Variants in AP1B1 observed in about 807,000 individuals in gnomAD.
AP1B1 encodes the protein adaptor related protein complex 1 subunit beta 1, also known as AP-1 complex subunit beta-1.
AP1B1 carries 36 observed loss-of-function variants against 104.3 expected under a neutral mutation model. The observed-to-expected ratio is 0.35, with a 90% confidence interval of 0.26 to 0.46. The LOEUF is 0.46. Among genes scored for constraint, AP1B1 ranks in the 20% least tolerant of loss-of-function variants. The pLI is 1.00. For missense variants in AP1B1, 901 were observed against 1,247.9 expected, an observed-to-expected ratio of 0.72 and a Z score of 4.19; for synonymous variants, 504 against 517.5, an observed-to-expected ratio of 0.97 and a Z score of 0.35.
Position 29,340,754 on chromosome 22 carries a change from TGAG to T in AP1B1, c.1897_1899del (p.Leu633del). ...CTCACTGGGGGGCCGAGGTCCAGGTTGAGGAGGTCACCCAGCAGGTCGCCCTGG... is the reference window on the plus strand; with the variant it reads ...CTCACTGGGGGGCCGAGGTCCAGGTTGAGGTCACCCAGCAGGTCGCCCTGG... On this transcript the variant is annotated inframe_deletion, in exon 14 of 23. Coordinates refer to ENST00000357586, the MANE Select transcript of AP1B1 (RefSeq NM_001127.4). The T allele has an allele frequency of 6.3e-7, 1 of 1,598,460 alleles. No individual in the cohort carries two copies. Among genetic ancestry groups the T allele is most frequent in the Non-Finnish European group, 8.5e-7 (1 of 1,173,752 alleles).
In AP1B1 at chr22:29,354,783, T is replaced by A; in HGVS notation, c.805A>T (p.Met269Leu). The change falls in exon 7 of 23, where the codon ATG (methionine) becomes TTG (leucine). Residue 269 changes from methionine to leucine, a missense_variant. Around this residue, in one of 3 missense-constraint regions of AP1B1, gnomAD observed 471 missense variants for 696.7 expected, o/e 0.68. Transcript: ENST00000357586. Reference sequence around the variant, plus strand: ...TAGTAGTCCAAGTCCTTAGACAACATCTCCATGAACTTCATCAGCACCTTC... The same window carrying A: ...TAGTAGTCCAAGTCCTTAGACAACAACTCCATGAACTTCATCAGCACCTTC... Reference protein sequence around the residue: ...AVKVLMKFMEMLSKDLDYYGT... With the variant: ...AVKVLMKFMELLSKDLDYYGT... 1 of 1,613,894 alleles carries A rather than the reference T, an allele frequency of 6.2e-7. No individual in the cohort carries two copies. The highest frequency in any genetic ancestry group is 8.5e-7 in the Non-Finnish European group (1 of 1,180,024).
chr22:29,361,010 G>C (rs1365868059), intron 3 of AP1B1, among the ~76,000 whole-genome samples: 1 of 152,184 alleles, frequency 6.6e-6, no homozygotes, highest in Non-Finnish European at 1.5e-5. Flanking sequence ...GAGGAGGGAG[G>C]AGGAAAAACT....
At chr22:29,353,083 G>C (rs189903359) in intron 7 of AP1B1, among the ~76,000 whole-genome samples, 1 of 152,298 alleles carries the variant, frequency 6.6e-6, no homozygotes, top group African/African-American at 2.4e-5. Context: ...CTGGTACTAG[G>C]TCACATGGCT....
chr22:29,340,549 T>C (rs1299540466), intron 14 of AP1B1, 107 bp downstream of exon 14: 10 of 1,188,682 alleles, frequency 8.4e-6, no homozygotes, highest in African/African-American at 1.5e-5. Context: ...AAGGACTCTA[T>C]ATAATGTACC....
Position 29,341,503 on chromosome 22 carries a change from G to C in AP1B1, c.1794C>G (p.Ala598=). 1 of 1,611,454 alleles carries C rather than the reference G, an allele frequency of 6.2e-7. No individual in the cohort carries two copies. The highest frequency in any genetic ancestry group is 8.5e-7 in the Non-Finnish European group (1 of 1,177,978). Residue 598 remains alanine (A), a splice_region_variant and synonymous_variant, in exon 13 of 23, where the codon GCC becomes GCG. Transcript: ENST00000357586. ...VVHKSLPPRT[A]SSESAESPET... Reference sequence around the variant, plus strand: ...GCCGACTGGCCAGTCTCACTCACGAGGCCGTGCGAGGTGGCAGGCTCTTGT... The same window carrying C: ...GCCGACTGGCCAGTCTCACTCACGACGCCGTGCGAGGTGGCAGGCTCTTGT...
chr22:29,378,292 C>G (rs2062378067), intron 1 of AP1B1, among the ~76,000 whole-genome samples: 1 of 152,064 alleles, frequency 6.6e-6, no homozygotes, highest in African/African-American at 2.4e-5. Context: ...CACGGTGACC[C>G]ACACCTGTAA....
intron 11 of AP1B1, among the ~76,000 whole-genome samples, chr22:29,346,796 G>GGC (rs1555927965): frequency 1.3e-5 from 2 of 151,796 alleles, no homozygotes; most frequent in African/African-American, 4.8e-5. Flanking sequence ...GGTGGCAGTG[G>GGC]GGGGGGGTGA....
In AP1B1 at chr22:29,328,896, C is replaced by G; in HGVS notation, c.2776-1G>C. On this transcript the variant is annotated splice_acceptor_variant, in intron 22 of 22. Coordinates refer to ENST00000357586, the MANE Select transcript of AP1B1 (RefSeq NM_001127.4). LOFTEE classifies it high-confidence loss of function. The surrounding 1 kb of genome is among the most constrained non-coding windows in gnomAD (Gnocchi z 4.1). ...CTGGTGCTCGACACTTCAGGGACAG[C>G]TGCAGGGGAGAGAGGGGTCGGGGGA... 6.2e-7 allele frequency: 1 copy of G among 1,607,980 alleles called. No individual in the cohort carries two copies. The highest frequency in any genetic ancestry group is 8.5e-7 in the Non-Finnish European group (1 of 1,178,598).
At chr22:29,379,277 T>C (rs1346924210) in intron 1 of AP1B1, among the ~76,000 whole-genome samples, 1 of 152,148 alleles carries the variant, frequency 6.6e-6, no homozygotes. Flanking sequence ...TGCTTGAACC[T>C]GAAATCGCAC....
rs1171355815 is a variant in AP1B1, at chr22:29,378,170, G to A, written c.-28+10254C>T. 4.6e-5 allele frequency among the ~76,000 whole-genome samples: 7 copies of A among 152,152 alleles called. No homozygotes were observed. The South Asian group carries it at 8.3e-4, about 18-fold the overall frequency. ...CCAGCCGGTTTGGACAACAGGGAAC[G>A]TCAAGTTTGGTCATGTGCCTAGTGA... is the stretch of plus-strand genomic sequence containing the variant. On this transcript the variant is annotated intron_variant, in intron 1 of 22. Transcript: ENST00000357586.
At chr22:29,346,739 G>A (rs1226977062) in intron 11 of AP1B1, among the ~76,000 whole-genome samples, 1 of 151,988 alleles carries the variant, frequency 6.6e-6, no homozygotes, top group African/African-American at 2.4e-5. Flanking sequence ...TTGCTTCTGA[G>A]ACAGAGGGAA....
chr22:29,338,902 T>A lies in AP1B1; in HGVS notation c.2163+88A>T, dbSNP rs74746975. ...CTCATCACTGCTGGCCTGAGCCAATTCCACAGCCGAGGCCATTTAAAGGAG... is the reference window on the plus strand; with the variant it reads ...CTCATCACTGCTGGCCTGAGCCAATACCACAGCCGAGGCCATTTAAAGGAG... On this transcript the variant is annotated intron_variant, in intron 16 of 22. Transcript: ENST00000357586. 2.7e-4 allele frequency: 425 copies of A among 1,553,672 alleles called. 1 individual carries two copies. The African/African-American group carries it at 5.3e-3, about 19-fold the overall frequency.
intron 5 of AP1B1, among the ~76,000 whole-genome samples, chr22:29,357,453 C>A (rs1046516515): frequency 1.6e-4 from 25 of 152,108 alleles, no homozygotes; most frequent in African/African-American, 5.6e-4. Flanking sequence ...GCAACCTCTG[C>A]CTCCTGGGCT....
At chr22:29,340,436 CAG>C (rs1480540224) in intron 14 of AP1B1, among the ~76,000 whole-genome samples, 2 of 152,158 alleles carry the variant, frequency 1.3e-5, no homozygotes, top group Non-Finnish European at 2.9e-5. Context: ...GTCTGCCTCT[CAG>C]GGGCTGTGCG....
intron 1 of AP1B1, among the ~76,000 whole-genome samples, chr22:29,383,834 G>C (rs1025107214): frequency 6.6e-6 from 1 of 152,102 alleles, no homozygotes; most frequent in African/African-American, 2.4e-5. Context: ...ATGAATTCTG[G>C]GCCTTGTGGG....
chr22:29,370,166 A>G (rs922397976), intron 1 of AP1B1, among the ~76,000 whole-genome samples: 9 of 152,120 alleles, frequency 5.9e-5, no homozygotes, highest in African/African-American at 2.4e-5. Context: ...AAAAGAAACA[A>G]AAGTGGCCGG....
In AP1B1 at chr22:29,337,052, T is replaced by C. The variant is rs1221572854; in HGVS notation, c.2163+1938A>G. 1.3e-5 allele frequency among the ~76,000 whole-genome samples: 2 copies of C among 152,238 alleles called. 1 individual carries two copies. The highest frequency in any genetic ancestry group is 2.9e-5 in the Non-Finnish European group (2 of 68,042). On this transcript the variant is annotated intron_variant, in intron 16 of 22. Transcript: ENST00000357586. ...ATCCAGGTAGTAAGTCAACTGCACA[T>C]GCTGTACGTTATGCCGCGATTCTAC...
intron 14 of AP1B1, 105 bp from the exon 15 acceptor site, chr22:29,339,879 T>G: frequency 2.0e-4 from 178 of 905,766 alleles, no homozygotes; most frequent in Non-Finnish European, 2.5e-4. Context: ...AAGAGGGAGA[T>G]TAGTCAACGG....
rs1343309342 is a variant in AP1B1, at chr22:29,349,201, C to T, written c.1437+17G>A. 2.3e-5 allele frequency: 37 copies of T among 1,610,252 alleles called. No individual in the cohort carries two copies. The highest frequency in any genetic ancestry group is 2.9e-5 in the Non-Finnish European group (34 of 1,179,712). ...CTGCCAGTCATGACTCACACCCTGG[C>T]CAGCTCGCTGGCTCACCTGTGTGCT... On this transcript the variant is annotated intron_variant, in intron 11 of 22. Coordinates refer to ENST00000357586, the MANE Select transcript of AP1B1 (RefSeq NM_001127.4).
Sources: allele counts gnomAD v4.1 joint callset (sites outside exome capture counted in the v4.1 genomes callset), GRCh38; gene constraint gnomAD v4.1.1; regional missense constraint gnomAD v4.1.1; non-coding constraint Gnocchi (gnomAD v3.1); transcripts MANE v1.5; gene names NCBI Gene and HGNC (gene_info 2026-07-23, HGNC 2026-07-21).